Variants in CHD1L observed in about 807,000 individuals in gnomAD.
CHD1L encodes chromodomain helicase DNA binding protein 1 like, also known as ATP-dependent chromatin remodeler CHD1L.
In CHD1L, 118 loss-of-function variants were observed where a neutral mutation model predicts 115.9. The ratio of observed to expected loss-of-function variants is 1.02; its 90% confidence interval spans 0.88 to 1.19. CHD1L has a LOEUF of 1.19. Ranked by LOEUF, CHD1L falls within the 50% of genes most tolerant of loss-of-function variation. CHD1L has a pLI of 0.00. For synonymous variants in CHD1L, 411 were observed against 387.1 expected, an observed-to-expected ratio of 1.06 and a Z score of -0.72; for missense variants, 1,179 against 1,065.3, an observed-to-expected ratio of 1.11 and a Z score of -1.49.
rs1553974677 is a variant in CHD1L, at chr1:147,294,488, T to C, written c.2586T>C (p.His862=). ...GTACTGAGCGACTTATTCGGAAACATCTGGCTGCAAGAGGCATCCCAACTT... is the reference window on the plus strand; with the variant it reads ...GTACTGAGCGACTTATTCGGAAACACCTGGCTGCAAGAGGCATCCCAACTT... ...WYGTERLIRK[H]LAARGIPTYI... is the part of the protein sequence containing the mutation. The change falls in exon 22 of 23, where the codon CAT becomes CAC. Residue 862 remains histidine, a synonymous_variant. Coordinates refer to ENST00000369258, the MANE Select transcript of CHD1L (RefSeq NM_004284.6). The C allele has an allele frequency of 9.9e-6, 16 of 1,613,046 alleles. No individual in the cohort carries two copies. The East Asian group carries it at 3.6e-4, about 36-fold the overall frequency.
At chr1:147,251,592 G>A (rs1553936375) in intron 1 of CHD1L, among the ~76,000 whole-genome samples, 1 of 151,986 alleles carries the variant, frequency 6.6e-6, no homozygotes, top group Non-Finnish European at 1.5e-5. Context: ...GCAGTGGCGC[G>A]ATCTCGGCTT....
At position 147,242,713 on chromosome 1, in the gene CHD1L, G is replaced by T; in HGVS notation, c.10G>T (p.Ala4Ser). The change falls in exon 1 of 23, where the codon GCG becomes TCG. Residue 4 changes from alanine (A) to serine (S), a missense_variant. Coordinates refer to ENST00000369258, the MANE Select transcript of CHD1L (RefSeq NM_004284.6). MERAGATSRGGQAP... is the reference protein window; with the variant it reads MERSGATSRGGQAP... ...GGCCTCTACCGGCCCGATGGAGCGC[G>T]CGGGCGCTACTAGCCGCGGGGGCCA... 1 of 1,258,292 alleles carries T rather than the reference G, an allele frequency of 7.9e-7. No homozygotes were observed. Among genetic ancestry groups the T allele is most frequent in the South Asian group, 3.9e-5 (1 of 25,870 alleles). 77.9% of individuals were successfully genotyped at this position (1,258,292 alleles called of 1,614,324 possible).
the CHD1L span, among the ~76,000 whole-genome samples, chr1:147,214,586 C>T: frequency 6.6e-6 from 1 of 151,998 alleles, no homozygotes; most frequent in African/African-American, 2.4e-5. Flanking sequence ...CCTTTTATTC[C>T]TTATTTGGTA....
chr1:147,285,253 G>A (rs963972538), intron 16 of CHD1L, 71 bp from the exon 17 acceptor site: 2 of 1,494,532 alleles, frequency 1.3e-6, no homozygotes, highest in Non-Finnish European at 1.8e-6. Context: ...TCCGTACAGT[G>A]TGTGTTAGGG....
At chr1:147,255,998 TA>T in intron 4 of CHD1L, 71 bp downstream of exon 4, 1 of 1,055,574 alleles carries the variant, frequency 9.5e-7, no homozygotes, top group Non-Finnish European at 1.4e-6. Flanking sequence ...CTGCTGAAAT[TA>T]TATTTAAGTT....
intron 21 of CHD1L, among the ~76,000 whole-genome samples, chr1:147,293,941 G>A (rs1021421513): frequency 7.2e-5 from 11 of 151,876 alleles, no homozygotes; most frequent in African/African-American, 1.9e-4. Flanking sequence ...TCCATCCCCC[G>A]GGTATTTTTA....
At chr1:147,213,684 C>T in the CHD1L span, among the ~76,000 whole-genome samples, 1 of 152,180 alleles carries the variant, frequency 6.6e-6, no homozygotes, top group African/African-American at 2.4e-5. Flanking sequence ...TGTTGGCAGG[C>T]TAATGTACCC....
chr1:147,225,715 A>G, the CHD1L span: 2 of 152,406 alleles, frequency 1.3e-5, no homozygotes, highest in Non-Finnish European at 2.9e-5. Flanking sequence ...CCAAATGCTT[A>G]AATGAACACC....
the CHD1L span, chr1:147,204,182 G>C: frequency 2.2e-6 from 3 of 1,352,928 alleles, no homozygotes; most frequent in Non-Finnish European, 2.1e-6. Context: ...CTTAGTTTCT[G>C]TTATCATGCC....
the CHD1L span, chr1:147,223,740 TGCA>T: frequency 4.7e-6 from 1 of 210,648 alleles, no homozygotes; most frequent in South Asian, 6.8e-5. Context: ...TATATCAGGT[TGCA>T]GCAGCAAAGA....
chr1:147,240,062 G>A (rs1571500203), upstream of CHD1L, among the ~76,000 whole-genome samples: 1 of 152,190 alleles, frequency 6.6e-6, no homozygotes, highest in South Asian at 2.1e-4. Context: ...CCCATTATGC[G>A]ATTGTGTTTT....
At chr1:147,249,850 G>A (rs1667857164) in intron 1 of CHD1L, among the ~76,000 whole-genome samples, 1 of 152,100 alleles carries the variant, frequency 6.6e-6, no homozygotes, top group Admixed American at 6.5e-5. Flanking sequence ...TTGAACAAAT[G>A]TTAGATCTTT....
chr1:147,184,478 A>G, the CHD1L span: 9 of 1,505,752 alleles, frequency 6.0e-6, no homozygotes, highest in East Asian at 2.3e-4. This position sits in a 1 kb window ranked among gnomAD's most constrained non-coding sequence, Gnocchi z 4.4. Context: ...AGGATACTAC[A>G]TTACATTTAG....
chr1:147,256,225 G>GT (rs1296744924), intron 4 of CHD1L, among the ~76,000 whole-genome samples: 7 of 152,180 alleles, frequency 4.6e-5, no homozygotes, highest in African/African-American at 1.7e-4. Context: ...AGGGGAAAGG[G>GT]TTTTGTGGAC....
rs782544033 is a variant in CHD1L, at chr1:147,271,017, TGG to T, written c.1159+13_1159+14del. Reference sequence around the variant, plus strand: ...TATGGATTACAGAGGTGACACCTTTTGGCCACTACATTACCTAAGGCTCTGTT... The same window carrying T: ...TATGGATTACAGAGGTGACACCTTTTCCACTACATTACCTAAGGCTCTGTT... On this transcript the variant is annotated intron_variant, in intron 11 of 22. Transcript: ENST00000369258. 7 of 1,608,698 alleles carry T rather than the reference TGG, an allele frequency of 4.4e-6. No homozygotes were observed. The highest frequency in any genetic ancestry group is 6.0e-6 in the Non-Finnish European group (7 of 1,175,106).
At chr1:147,177,995 T>A in the CHD1L span, 1 of 570,834 alleles carries the variant, frequency 1.8e-6, no homozygotes, top group Non-Finnish European at 3.0e-6. Flanking sequence ...CTGAATCTGA[T>A]CCTGGAACAC....
chr1:147,186,635 A>G, the CHD1L span: 2 of 1,242,278 alleles, frequency 1.6e-6, no homozygotes, highest in Non-Finnish European at 1.0e-6. Context: ...CTAAAGACAT[A>G]CAAAGATGAC....
At position 147,285,447 on chromosome 1, in the gene CHD1L, G is replaced by A; in HGVS notation, c.1978G>A (p.Glu660Lys). ...AAAKRRRLIE[E>K]KKRQKEEAEH... ...TGCCAAGAGAAGGAGACTCATAGAG[G>A]AGAAGAAGAGGCAAAAGGAAGAGGC... Residue 660 changes from glutamate to lysine, a missense_variant, in exon 17 of 23, where the codon GAG (glutamate) becomes AAG (lysine). By Grantham distance (56) the Glu-to-Lys change is moderately conservative. Coordinates refer to ENST00000369258, the MANE Select transcript of CHD1L (RefSeq NM_004284.6). The A allele has an allele frequency of 6.2e-7, 1 of 1,613,604 alleles. No individual in the cohort carries two copies.
At chr1:147,257,706 C>G (rs1449999669) in intron 5 of CHD1L, among the ~76,000 whole-genome samples, 3 of 151,958 alleles carry the variant, frequency 2.0e-5, no homozygotes, top group African/African-American at 7.3e-5. Flanking sequence ...TCATGAAAAC[C>G]CCACGAGGCA....
Sources: allele counts gnomAD v4.1 joint callset (sites outside exome capture counted in the v4.1 genomes callset), GRCh38; gene constraint gnomAD v4.1.1; non-coding constraint Gnocchi (gnomAD v3.1); transcripts MANE v1.5; gene names NCBI Gene and HGNC (gene_info 2026-07-23, HGNC 2026-07-21).